TCF7L1: variants seen among roughly 807,000 people sequenced by gnomAD.
TCF7L1 encodes the protein transcription factor 7-like 1.
TCF7L1 carries 18 observed loss-of-function variants against 63.7 expected under a neutral mutation model. The ratio of observed to expected loss-of-function variants is 0.28; its 90% confidence interval spans 0.20 to 0.42. TCF7L1 has a LOEUF of 0.42. Ranked by LOEUF, TCF7L1 falls within the 10% of genes least tolerant of loss-of-function variation. The probability of loss-of-function intolerance (pLI) is 1.00; values close to 1 mark genes in which losing one functional copy is unlikely to be tolerated. For missense variants in TCF7L1, 654 were observed against 779.3 expected, an observed-to-expected ratio of 0.84 and a Z score of 1.91; for synonymous variants, 355 against 340.9, an observed-to-expected ratio of 1.04 and a Z score of -0.46.
chr2:85,227,055 G>A (rs997574617), intron 3 of TCF7L1, among the ~76,000 whole-genome samples: 3 of 152,148 alleles, frequency 2.0e-5, no homozygotes, highest in Admixed American at 2.0e-4. Flanking sequence ...GTGCAAAAGC[G>A]TACATAGAGT....
intron 3 of TCF7L1, among the ~76,000 whole-genome samples, chr2:85,256,164 C>A (rs569824872): frequency 6.6e-5 from 10 of 152,284 alleles, no homozygotes; most frequent in African/African-American, 2.2e-4. Flanking sequence ...GTAACTAGTT[C>A]GGGCAGTTTC....
At position 85,146,753 on chromosome 2, in the gene TCF7L1, G is replaced by A. The variant is rs111270962; in HGVS notation, c.441+12303G>A. Among the ~76,000 whole-genome samples, 932 of 151,900 alleles carry A rather than the reference G, an allele frequency of 6.1e-3. 12 individuals carry two copies. The highest frequency in any genetic ancestry group is 0.021 in the African/African-American group (868 of 41,392). On this transcript the variant is annotated intron_variant, in intron 3 of 11. Transcript: ENST00000282111. ...TTCTGACCTCAGGTGATCTGCCTGC[G>A]TCGGCCTCCCAAAGTGCTGGGATCA...
Position 85,134,037 on chromosome 2 carries a change from G to C in TCF7L1, c.271G>C (p.Val91Leu). The change falls in exon 2 of 12, where the codon GTC becomes CTC. Residue 91 changes from valine (V) to leucine (L), a missense_variant. Physicochemically the swap from Val to Leu is conservative, Grantham distance 32. Around this residue, in one of 3 missense-constraint regions of TCF7L1, gnomAD observed 404 missense variants for 454.8 expected, o/e 0.89. Coordinates refer to ENST00000282111, the MANE Select transcript of TCF7L1 (RefSeq NM_031283.3). This position sits in a 1 kb window ranked among gnomAD's most constrained non-coding sequence, Gnocchi z 5.0. ...GCAGGCGGAGAGGCGCCCGCAGCCC[G>C]TCCGGGACACTTTCCAGAAGCCGCG... ...DSEAERRPQPVRDTFQKPRDY... is the reference protein window; with the variant it reads ...DSEAERRPQPLRDTFQKPRDY... The C allele has an allele frequency of 6.2e-7, 1 of 1,610,782 alleles. No individual in the cohort carries two copies. Among genetic ancestry groups the C allele is most frequent in the Non-Finnish European group, 8.5e-7 (1 of 1,179,020 alleles).
At chr2:85,265,147 G>A (rs556712201) in intron 3 of TCF7L1, among the ~76,000 whole-genome samples, 24 of 152,254 alleles carry the variant, frequency 1.6e-4, no homozygotes, top group African/African-American at 5.8e-4. Flanking sequence ...AAAGAAGAGT[G>A]TAAAAGAGAC....
intron 3 of TCF7L1, among the ~76,000 whole-genome samples, chr2:85,245,815 AAAAAAAAATTAATTAATT>A (rs1680450722): frequency 6.7e-6 from 1 of 149,906 alleles, no homozygotes; most frequent in South Asian, 2.1e-4. Flanking sequence ...ACTCCATCTC[AAAAAAAAATTAATTAATT>A]AAAAAAAAAA....
intron 3 of TCF7L1, among the ~76,000 whole-genome samples, chr2:85,224,585 T>C (rs1679915637): frequency 6.6e-6 from 1 of 152,258 alleles, no homozygotes; most frequent in African/African-American, 2.4e-5. Context: ...ATGTCTTCAT[T>C]TGAGAAGTAT....
At chr2:85,165,490 T>G (rs1678395927) in intron 3 of TCF7L1, among the ~76,000 whole-genome samples, 1 of 152,190 alleles carries the variant, frequency 6.6e-6, no homozygotes. Context: ...AAATACCCAC[T>G]CCTTCCAGAG....
chr2:85,173,083 G>A (rs1005868362), intron 3 of TCF7L1, among the ~76,000 whole-genome samples: 10 of 152,200 alleles, frequency 6.6e-5, no homozygotes, highest in Non-Finnish European at 1.2e-4. Flanking sequence ...GAAATTTCCC[G>A]CCTTTGCCCA....
chr2:85,254,585 G>C (rs1198137806), intron 3 of TCF7L1, among the ~76,000 whole-genome samples: 1 of 152,178 alleles, frequency 6.6e-6, no homozygotes, highest in Non-Finnish European at 1.5e-5. Flanking sequence ...AATGAGTTTT[G>C]CCTGTGTAAA....
chr2:85,228,106 C>T (rs1679998347), intron 3 of TCF7L1, among the ~76,000 whole-genome samples: 1 of 151,410 alleles, frequency 6.6e-6, no homozygotes, highest in Non-Finnish European at 1.5e-5. Flanking sequence ...TGGGCAGTGT[C>T]TTAGGGACTA....
intron 3 of TCF7L1, among the ~76,000 whole-genome samples, chr2:85,188,630 C>T (rs368947730): frequency 4.6e-5 from 7 of 152,232 alleles, no homozygotes; most frequent in African/African-American, 1.4e-4. Flanking sequence ...AAAATGTTAA[C>T]ATTTGTGAAT....
At chr2:85,205,578 C>G (rs1355370035) in intron 3 of TCF7L1, among the ~76,000 whole-genome samples, 1 of 150,574 alleles carries the variant, frequency 6.6e-6, no homozygotes, top group African/African-American at 2.5e-5. Flanking sequence ...GTTACCCAGT[C>G]TGGAGTACAG....
Position 85,134,907 on chromosome 2 carries a change from C to A in TCF7L1, c.441+457C>A, listed in dbSNP as rs1439983940. ...TTCCTAAGAAACCCAGTTTTCGTGG[C>A]GGGTTATTCACAGCCCCCGTTCCCA... On this transcript the variant is annotated intron_variant, in intron 3 of 11. Transcript: ENST00000282111. The surrounding 1 kb of genome is among the most constrained non-coding windows in gnomAD (Gnocchi z 5.0). Among the ~76,000 whole-genome samples the A allele has an allele frequency of 6.6e-6, 1 of 152,170 alleles. No homozygotes were observed.
intron 3 of TCF7L1, among the ~76,000 whole-genome samples, chr2:85,250,815 T>C (rs1209985971): frequency 6.6e-6 from 1 of 152,182 alleles, no homozygotes; most frequent in Non-Finnish European, 1.5e-5. Flanking sequence ...AGCTCCCAAG[T>C]TGTGCCGTCC....
At chr2:85,157,867 C>T (rs1478800067) in intron 3 of TCF7L1, among the ~76,000 whole-genome samples, 2 of 152,190 alleles carry the variant, frequency 1.3e-5, no homozygotes, top group African/African-American at 4.8e-5. Context: ...CCCTCCTCTC[C>T]CTCCTTCCCT....
At chr2:85,153,340 A>ATATTTTTTTTTTTTTTTTTTTTT (rs750002994) in intron 3 of TCF7L1, among the ~76,000 whole-genome samples, 3 of 102,308 alleles carry the variant, frequency 2.9e-5, no homozygotes, top group African/African-American at 1.3e-4. Context: ...GCCTTTATAA[A>ATATTTTTTTTTTTTTTTTTTTTT]TTTTTTTTTT....
intron 11 of TCF7L1, among the ~76,000 whole-genome samples, 159 bp downstream of exon 11, chr2:85,307,876 T>C (rs912941751): frequency 6.6e-6 from 1 of 152,194 alleles, no homozygotes; most frequent in Non-Finnish European, 1.5e-5. Context: ...TAAGAGGCTC[T>C]GAGATGTGAA....
Position 85,219,884 on chromosome 2 carries a change from A to G in TCF7L1, c.442-63611A>G, listed in dbSNP as rs566752022. Among the ~76,000 whole-genome samples the G allele has an allele frequency of 1.4e-3, 214 of 152,352 alleles. 4 individuals are homozygous for G. The highest frequency in any genetic ancestry group is 8.1e-3 in the South Asian group (39 of 4,826). ...AGGTATTTGAGGGTAAGGTGTTACA[A>G]TGTTGACAACTGACTTTCAAATGGT... On this transcript the variant is annotated intron_variant, in intron 3 of 11. Coordinates refer to ENST00000282111, the MANE Select transcript of TCF7L1 (RefSeq NM_031283.3).
At position 85,177,566 on chromosome 2, in the gene TCF7L1, G is replaced by A. The variant is rs551244879; in HGVS notation, c.441+43116G>A. Among the ~76,000 whole-genome samples, 433 of 152,218 alleles carry A rather than the reference G, an allele frequency of 2.8e-3. 2 individuals are homozygous for A. The highest frequency in any genetic ancestry group is 9.9e-3 in the African/African-American group (413 of 41,540). ...CAAAATAATAAAAAACTAGCCAGGT[G>A]TGGTGGCGCATGCCTGTAGTCCCAG... On this transcript the variant is annotated intron_variant, in intron 3 of 11. Transcript: ENST00000282111.
Sources: gnomAD v4.1 joint callset for allele counts (sites outside exome capture counted in the v4.1 genomes callset) on GRCh38, gnomAD v4.1.1 for gene constraint, gnomAD v4.1.1 regional missense constraint, Gnocchi (gnomAD v3.1) non-coding constraint, MANE v1.5 for transcripts, NCBI Gene and HGNC (gene_info 2026-07-23, HGNC 2026-07-21) for gene names.